PER3: variants seen among roughly 807,000 people sequenced by gnomAD.
PER3 encodes the protein period circadian protein homolog 3.
PER3 carries 107 observed loss-of-function variants against 127.2 expected under a neutral mutation model. The observed-to-expected ratio is 0.84, with a 90% CI of 0.72 to 0.99. PER3 has a LOEUF of 0.99. Among genes scored for constraint, PER3 ranks in the 50% least tolerant of loss-of-function variants. The pLI is 0.00. For missense variants in PER3, 1,560 were observed against 1,525.8 expected (o/e 1.02, Z -0.37); for synonymous variants, 618 against 585.8 (o/e 1.05, Z -0.79).
rs2097211516 is a variant in PER3, at chr1:7,809,879, C to T, written c.1243-14C>T. The T allele has an allele frequency of 6.2e-7, 1 of 1,612,560 alleles. No homozygotes were observed. The highest frequency in any genetic ancestry group is 8.5e-7 in the Non-Finnish European group (1 of 1,179,202). ...AGCCAGCAATTCTGGACTTGTTCCT[C>T]TTTGTCCTTCCAGCCAGTTCACGTG... On this transcript the variant is annotated splice_polypyrimidine_tract_variant and intron_variant, in intron 11 of 21. Transcript: ENST00000377532.
At chr1:7,794,202 T>C (rs2097134904) in intron 6 of PER3, among the ~76,000 whole-genome samples, 194 bp downstream of exon 6, 1 of 152,082 alleles carries the variant, frequency 6.6e-6, no homozygotes, top group Non-Finnish European at 1.5e-5. Context: ...AATAATGCAA[T>C]AGGAGGCTGG....
At chr1:7,832,718 AT>A (rs60846262) in intron 19 of PER3, among the ~76,000 whole-genome samples, 137,975 of 150,382 alleles carry the variant, frequency 0.92, 63,636 homozygotes, top group African/African-American at 0.96. Context: ...TTTGGATTTT[AT>A]TTTTTTTTTC....
chr1:7,815,490 A>T (rs1431772890), intron 13 of PER3, among the ~76,000 whole-genome samples: 1 of 152,258 alleles, frequency 6.6e-6, no homozygotes, highest in Non-Finnish European at 1.5e-5. Flanking sequence ...TGTGTAACAG[A>T]TAAAGGAGTT....
intron 16 of PER3, among the ~76,000 whole-genome samples, chr1:7,821,447 G>A (rs763418684): frequency 2.0e-4 from 30 of 152,276 alleles, no homozygotes; most frequent in African/African-American, 4.1e-4. Context: ...AGAGCATTAC[G>A]TTTCTAATTA....
intron 8 of PER3, 150 bp from the exon 9 acceptor site, chr1:7,802,897 A>G: frequency 3.2e-6 from 2 of 633,556 alleles, no homozygotes; most frequent in Non-Finnish European, 2.9e-6. Flanking sequence ...CAGGATGGGC[A>G]CTTGGGTTCT....
At chr1:7,829,716 G>A in intron 18 of PER3, 118 bp from the exon 19 acceptor site, 2 of 765,330 alleles carry the variant, frequency 2.6e-6, no homozygotes, top group Non-Finnish European at 2.1e-6. Context: ...ACTATTTTTG[G>A]ACCTTGGTTG....
intron 16 of PER3, among the ~76,000 whole-genome samples, chr1:7,825,878 C>T (rs1363888469): frequency 3.0e-5 from 4 of 131,906 alleles, no homozygotes; most frequent in South Asian, 2.6e-4. Flanking sequence ...GCAACAAGAG[C>T]GAAACTCCAT....
intron 16 of PER3, among the ~76,000 whole-genome samples, chr1:7,824,961 C>T (rs2097294548): frequency 1.3e-5 from 2 of 152,272 alleles, no homozygotes; most frequent in South Asian, 4.1e-4. Flanking sequence ...TGGGGCAGTC[C>T]TCGGGCTCAC....
At chr1:7,801,005 A>G (rs1348173019) in intron 7 of PER3, 108 bp from the exon 8 acceptor site, 3 of 727,372 alleles carry the variant, frequency 4.1e-6, no homozygotes, top group African/African-American at 3.6e-5. Context: ...TGAGATTTCT[A>G]CCATTTCATA....
intron 21 of PER3, among the ~76,000 whole-genome samples, chr1:7,841,627 A>G (rs1475715035): frequency 6.6e-6 from 1 of 152,158 alleles, no homozygotes; most frequent in African/African-American, 2.4e-5. Context: ...TTGTCAGTCC[A>G]GTTGTTGTCT....
At chr1:7,837,830 T>A (rs2097365492) in intron 21 of PER3, among the ~76,000 whole-genome samples, 1 of 152,152 alleles carries the variant, frequency 6.6e-6, no homozygotes, top group South Asian at 2.1e-4. Flanking sequence ...TCCCAGCACT[T>A]TGGGAGGCCA....
intron 19 of PER3, 58 bp downstream of exon 19, chr1:7,830,219 T>C (rs1350468158): frequency 1.4e-6 from 2 of 1,453,454 alleles, no homozygotes; most frequent in Non-Finnish European, 1.9e-6. Context: ...CACTATGTGC[T>C]GAGCTCTCAC....
At position 7,806,812 on chromosome 1, in the gene PER3, A is replaced by AATATATAT. The variant is rs1553309917; in HGVS notation, c.1137-2064_1137-2057dup. Among the ~76,000 whole-genome samples, 134 of 60,602 alleles carry AATATATAT rather than the reference A, an allele frequency of 2.2e-3. 4 individuals carry two copies. The highest frequency in any genetic ancestry group is 5.3e-3 in the South Asian group (7 of 1,328). The allele number at this position is 60,602 out of a possible 152,430, so 39.8% of individuals were successfully genotyped here. A position where few individuals can be genotyped will look rare whatever the true frequency, so the allele number is the denominator to read the frequency against. Reference sequence around the variant, plus strand: ...CTGTCTCTTAAAAAAAAAAAAAAAAAATATATATATATATATATATATATT... The same window carrying AATATATAT: ...CTGTCTCTTAAAAAAAAAAAAAAAAAATATATATATATATATATATATATATATATATT... On this transcript the variant is annotated intron_variant, in intron 10 of 21. Transcript: ENST00000377532.
intron 19 of PER3, among the ~76,000 whole-genome samples, chr1:7,834,398 A>G (rs1267654251): frequency 6.6e-6 from 1 of 152,074 alleles, no homozygotes; most frequent in African/African-American, 2.4e-5. Context: ...TAACATTGTT[A>G]TTATTTTTGC....
intron 10 of PER3, 70 bp from the exon 11 acceptor site, chr1:7,808,823 T>G (rs2097206986): frequency 2.5e-6 from 2 of 802,570 alleles, no homozygotes; most frequent in Non-Finnish European, 2.2e-6. Context: ...ATTCTTGGAA[T>G]AGTCTATTAA....
At chr1:7,815,765 C>T (rs2097245924) in intron 13 of PER3, among the ~76,000 whole-genome samples, 1 of 151,012 alleles carries the variant, frequency 6.6e-6, no homozygotes, top group African/African-American at 2.4e-5. Flanking sequence ...GTGGGCAGAT[C>T]ACAAGATAAG....
Position 7,808,972 on chromosome 1 carries a change from G to A in PER3, c.1216G>A (p.Glu406Lys). 6.4e-7 allele frequency: 1 copy of A among 1,570,030 alleles called. No homozygotes were observed. The highest frequency in any genetic ancestry group is 8.8e-7 in the Non-Finnish European group (1 of 1,142,382). ...TGACAAAGACATAACAGAATTACAA[G>A]AACAAATTTACAAACTTCTCTTACA... ...DNDKDITELQ[E>K]QIYKLLLQPV... The change falls in exon 11 of 22, where the codon GAA (glutamate) becomes AAA (lysine). Residue 406 changes from glutamate to lysine, a missense_variant. Glu to Lys is a moderately conservative substitution (Grantham distance 56, BLOSUM62 1). Around this residue, in one of 3 missense-constraint regions of PER3, gnomAD observed 1,332 missense variants for 1,223.6 expected, o/e 1.09. Coordinates refer to ENST00000377532, the MANE Select transcript of PER3 (RefSeq NM_001377275.1).
chr1:7,832,563 C>T (rs228661), intron 19 of PER3, among the ~76,000 whole-genome samples: 36,529 of 151,288 alleles, frequency 0.24, 5,458 homozygotes, highest in Middle Eastern at 0.39. Flanking sequence ...TTAGTAGAGA[C>T]GGGGTTTCAC....
intron 7 of PER3, among the ~76,000 whole-genome samples, chr1:7,800,526 A>C (rs926793010): frequency 1.6e-4 from 25 of 152,186 alleles, no homozygotes; most frequent in African/African-American, 5.3e-4. Context: ...AAGCATTAGA[A>C]TAGAACTGAC....
Sources: allele counts gnomAD v4.1 joint callset (sites outside exome capture counted in the v4.1 genomes callset), GRCh38; gene constraint gnomAD v4.1.1; regional missense constraint gnomAD v4.1.1; transcripts MANE v1.5; gene names NCBI Gene and HGNC (gene_info 2026-07-23, HGNC 2026-07-21).